Variants in DGKB observed in about 807,000 individuals in gnomAD.
DGKB encodes 90 kDa diacylglycerol kinase.
A neutral mutation model predicts 114.3 loss-of-function variants in DGKB; 67 were observed. The observed-to-expected ratio is 0.59, with a 90% CI of 0.48 to 0.72. DGKB has a LOEUF of 0.72. Among genes scored for constraint, DGKB ranks in the 30% least tolerant of loss-of-function variants. DGKB has a pLI of 0.00. For synonymous variants in DGKB, 398 were observed against 323.1 expected (o/e 1.23, Z -2.49); for missense variants, 907 against 975.2 (o/e 0.93, Z 0.93).
At chr7:14,541,436 T>A (rs1250737250) in intron 20 of DGKB, among the ~76,000 whole-genome samples, 2 of 152,170 alleles carry the variant, frequency 1.3e-5, no homozygotes, top group Admixed American at 6.5e-5. Flanking sequence ...GGAACAGGAA[T>A]GAACTGAGCC....
At chr7:14,694,777 C>T (rs1248309800) in intron 8 of DGKB, among the ~76,000 whole-genome samples, 1 of 152,038 alleles carries the variant, frequency 6.6e-6, no homozygotes, top group Non-Finnish European at 1.5e-5. Flanking sequence ...GTGGCAATAT[C>T]AGTACTTACC....
At position 14,544,815 on chromosome 7, in the gene DGKB, T is replaced by C. The variant is rs117176406; in HGVS notation, c.1770+29397A>G. The stretch of plus-strand genomic sequence containing the variant: ...TCCTTAGGAGTGTCTTTTTCTCTTT[T>C]ATAGATCTCCATCTTTGCTTTCCAG... On this transcript the variant is annotated intron_variant, in intron 20 of 25. Transcript: ENST00000402815. Among the ~76,000 whole-genome samples, 692 of 152,202 alleles carry C rather than the reference T, an allele frequency of 4.5e-3. 7 individuals are homozygous for C. Among genetic ancestry groups the C allele is most frequent in the Non-Finnish European group, 8.5e-3 (577 of 68,002 alleles).
At chr7:14,326,748 G>A (rs553923949) in intron 23 of DGKB, among the ~76,000 whole-genome samples, 8 of 152,078 alleles carry the variant, frequency 5.3e-5, no homozygotes, top group East Asian at 1.9e-4. Context: ...CCCTGAACCC[G>A]CCTTCCTCTT....
intron 23 of DGKB, among the ~76,000 whole-genome samples, chr7:14,294,731 G>C (rs1437962468): frequency 1.3e-5 from 2 of 152,014 alleles, no homozygotes; most frequent in African/African-American, 4.8e-5. Flanking sequence ...CCTATTATCT[G>C]ACCACTCAAA....
intron 1 of DGKB, among the ~76,000 whole-genome samples, chr7:14,860,289 T>C (rs952837425): frequency 1.3e-5 from 2 of 152,100 alleles, no homozygotes; most frequent in African/African-American, 4.8e-5. Context: ...AAGTAAGCAT[T>C]TTCTTACAAA....
intron 25 of DGKB, among the ~76,000 whole-genome samples, chr7:14,158,213 C>T (rs1000810353): frequency 1.3e-5 from 2 of 152,126 alleles, no homozygotes; most frequent in African/African-American, 4.8e-5. Flanking sequence ...TATATTTAGT[C>T]CCGTGGAAAC....
chr7:14,807,988 A>T (rs981165019), intron 2 of DGKB, among the ~76,000 whole-genome samples: 2 of 151,990 alleles, frequency 1.3e-5, no homozygotes, highest in Non-Finnish European at 2.9e-5. Flanking sequence ...AGGAATAGAG[A>T]TGTTCTCTTA....
chr7:14,468,177 T>G (rs1259375063), intron 21 of DGKB, among the ~76,000 whole-genome samples: 3 of 152,200 alleles, frequency 2.0e-5, no homozygotes, highest in Admixed American at 2.0e-4. Context: ...TGAACTCTAG[T>G]CAATTCCAAA....
chr7:14,939,190 T>G (rs2128253814), intron 1 of DGKB, among the ~76,000 whole-genome samples: 1 of 152,318 alleles, frequency 6.6e-6, no homozygotes, highest in African/African-American at 2.4e-5. Context: ...ATGTACCCAA[T>G]AAATATCTAT....
intron 23 of DGKB, among the ~76,000 whole-genome samples, chr7:14,222,099 G>A (rs552560468): frequency 6.6e-6 from 1 of 150,920 alleles, no homozygotes; most frequent in East Asian, 2.0e-4. Context: ...AAAAAAACTT[G>A]TTTTTGGCTT....
intron 21 of DGKB, among the ~76,000 whole-genome samples, chr7:14,446,824 C>G (rs901049586): frequency 6.6e-6 from 1 of 152,004 alleles, no homozygotes; most frequent in Non-Finnish European, 1.5e-5. Flanking sequence ...AGAGAGGAGG[C>G]AGTTAGAGGC....
chr7:14,445,117 A>C (rs1375740247), intron 21 of DGKB, among the ~76,000 whole-genome samples: 1 of 151,872 alleles, frequency 6.6e-6, no homozygotes, highest in Admixed American at 6.6e-5. Context: ...TTGAGAAAAT[A>C]GTTGTAAAGA....
intron 25 of DGKB, among the ~76,000 whole-genome samples, chr7:14,170,588 T>A (rs1780844087): frequency 6.6e-6 from 1 of 152,176 alleles, no homozygotes; most frequent in Non-Finnish European, 1.5e-5. Context: ...AAACTTAAAT[T>A]TATACAACCT....
chr7:14,159,498 T>C (rs761402712), intron 25 of DGKB, among the ~76,000 whole-genome samples: 2 of 152,186 alleles, frequency 1.3e-5, no homozygotes, highest in Non-Finnish European at 2.9e-5. Flanking sequence ...AATTTTATAT[T>C]TGTGGGACTA....
At chr7:14,799,994 A>AT (rs935625766) in intron 2 of DGKB, among the ~76,000 whole-genome samples, 2 of 151,444 alleles carry the variant, frequency 1.3e-5, no homozygotes, top group African/African-American at 4.9e-5. Context: ...TTGGCTTACT[A>AT]TGACCTACGC....
intron 23 of DGKB, among the ~76,000 whole-genome samples, chr7:14,299,850 A>G (rs1237068449): frequency 1.3e-5 from 2 of 152,010 alleles, no homozygotes; most frequent in African/African-American, 4.8e-5. Context: ...AGCTATATTA[A>G]TCAAGGTATT....
intron 21 of DGKB, among the ~76,000 whole-genome samples, chr7:14,350,642 T>C (rs898578397): frequency 5.9e-5 from 9 of 151,538 alleles, no homozygotes; most frequent in African/African-American, 1.2e-4. Flanking sequence ...ATTTTTCATG[T>C]ATTTAGTGGG....
intron 20 of DGKB, among the ~76,000 whole-genome samples, chr7:14,562,016 C>T (rs1302881579): frequency 6.6e-6 from 1 of 152,126 alleles, no homozygotes; most frequent in Admixed American, 6.5e-5. Flanking sequence ...GGGCCCAGGG[C>T]CCCCCTCATG....
chr7:14,631,263 C>CA (rs35088925), intron 13 of DGKB, among the ~76,000 whole-genome samples: 1,889 of 98,336 alleles, frequency 0.019, 32 homozygotes, highest in African/African-American at 0.053. Context: ...CAGCAAGAAC[C>CA]AAAAAAAAAA....
Sources: allele counts gnomAD v4.1 joint callset (sites outside exome capture counted in the v4.1 genomes callset), GRCh38; gene constraint gnomAD v4.1.1; transcripts MANE v1.5; gene names NCBI Gene and HGNC (gene_info 2026-07-23, HGNC 2026-07-21).